The following GLRB variants were observed in gnomAD, a reference collection of about 807,000 sequenced individuals.
GLRB encodes glycine receptor subunit beta.
In GLRB, 33 loss-of-function variants were observed where a neutral mutation model predicts 54.2. The observed-to-expected ratio is 0.61, with a 90% confidence interval of 0.46 to 0.81. GLRB has a LOEUF of 0.81. Among genes scored for constraint, GLRB ranks in the 40% least tolerant of loss-of-function variants. The pLI is 0.00. For synonymous variants in GLRB, 209 were observed against 208.2 expected, an observed-to-expected ratio of 1.00 and a Z score of -0.03; for missense variants, 572 against 584.6, an observed-to-expected ratio of 0.98 and a Z score of 0.22.
Position 157,153,642 on chromosome 4 carries a change from A to G in GLRB, c.1197+632A>G, listed in dbSNP as rs551084223. Among the ~76,000 whole-genome samples, 196 of 152,300 alleles carry G rather than the reference A, an allele frequency of 1.3e-3. 2 individuals carry two copies. The highest frequency in any genetic ancestry group is 4.4e-3 in the African/African-American group (182 of 41,552). ...GCCTTGTCAATTAATTATGGGTTTAAGAATAGTGGGCAATGGTAAATTTCA... is the reference window on the plus strand; with the variant it reads ...GCCTTGTCAATTAATTATGGGTTTAGGAATAGTGGGCAATGGTAAATTTCA... On this transcript the variant is annotated intron_variant, in intron 9 of 9. Coordinates refer to ENST00000264428, the MANE Select transcript of GLRB (RefSeq NM_000824.5).
At chr4:157,111,073 C>T (rs1325213067) in intron 2 of GLRB, among the ~76,000 whole-genome samples, 1 of 151,984 alleles carries the variant, frequency 6.6e-6, no homozygotes, top group Non-Finnish European at 1.5e-5. Flanking sequence ...GTTCAAAGCA[C>T]CGCTTTGTTC....
chr4:157,107,685 G>C (rs144531875), intron 2 of GLRB, among the ~76,000 whole-genome samples: 1 of 152,092 alleles, frequency 6.6e-6, no homozygotes, highest in Admixed American at 6.6e-5. Context: ...TAACACAAAC[G>C]TGTGAGGTGG....
intron 2 of GLRB, among the ~76,000 whole-genome samples, chr4:157,111,177 A>T (rs1341244231): frequency 6.6e-6 from 1 of 151,990 alleles, no homozygotes; most frequent in African/African-American, 2.4e-5. Context: ...CACCAGAAAA[A>T]GTTGGGATGG....
At chr4:157,091,264 A>G (rs915079009) in intron 2 of GLRB, 2 of 152,172 alleles carry the variant, frequency 1.3e-5, no homozygotes, top group African/African-American at 2.4e-5. Flanking sequence ...GTTAAGTTTC[A>G]ACATTTAATA....
chr4:157,116,766 A>G (rs571151208), intron 2 of GLRB, among the ~76,000 whole-genome samples: 2 of 151,882 alleles, frequency 1.3e-5, no homozygotes, highest in Admixed American at 6.6e-5. Context: ...GTTCATGCAT[A>G]TGAATATAAA....
At chr4:157,082,660 T>C (rs949952567) in intron 2 of GLRB, among the ~76,000 whole-genome samples, 1 of 152,136 alleles carries the variant, frequency 6.6e-6, no homozygotes, top group African/African-American at 2.4e-5. Context: ...TGGATTATGT[T>C]ACCTGGTTCC....
At chr4:157,166,240 T>C (rs1332407955) in intron 9 of GLRB, among the ~76,000 whole-genome samples, 1 of 152,050 alleles carries the variant, frequency 6.6e-6, no homozygotes, top group Non-Finnish European at 1.5e-5. Flanking sequence ...GACACATATT[T>C]GTAATAAGGA....
chr4:157,145,948 G>A (rs1163868307), intron 8 of GLRB, among the ~76,000 whole-genome samples: 1 of 152,010 alleles, frequency 6.6e-6, no homozygotes, highest in Non-Finnish European at 1.5e-5. Flanking sequence ...AGAGTAGTGG[G>A]AAAGGAGGTC....
intron 5 of GLRB, 33 bp downstream of exon 5, chr4:157,136,731 T>C (rs751212770): frequency 6.6e-7 from 1 of 1,523,082 alleles, no homozygotes; most frequent in South Asian, 1.1e-5. Flanking sequence ...TGTGCATTTA[T>C]ATTTTCCTTC....
chr4:157,167,221 A>G (rs1737743324), intron 9 of GLRB, among the ~76,000 whole-genome samples: 1 of 152,180 alleles, frequency 6.6e-6, no homozygotes, highest in East Asian at 1.9e-4. Context: ...ACTATGATAC[A>G]CATAGAATCC....
chr4:157,139,151 A>G (rs113901348), intron 7 of GLRB, among the ~76,000 whole-genome samples: 39 of 152,264 alleles, frequency 2.6e-4, no homozygotes, highest in African/African-American at 9.4e-4. Context: ...TTAGATAGAC[A>G]TGCTTGATTT....
intron 7 of GLRB, among the ~76,000 whole-genome samples, chr4:157,140,012 A>G (rs1736550863): frequency 6.6e-6 from 1 of 151,996 alleles, no homozygotes; most frequent in East Asian, 1.9e-4. Context: ...ATGCTGTGAT[A>G]AAGACAATGC....
At chr4:157,087,173 T>A (rs1255425987) in intron 2 of GLRB, among the ~76,000 whole-genome samples, 3 of 152,098 alleles carry the variant, frequency 2.0e-5, no homozygotes, top group African/African-American at 2.4e-5. Flanking sequence ...CTAAATTAAT[T>A]TTTTGATGGG....
At chr4:157,083,228 A>G (rs931854416) in intron 2 of GLRB, among the ~76,000 whole-genome samples, 2 of 142,124 alleles carry the variant, frequency 1.4e-5, no homozygotes, top group African/African-American at 2.5e-5. Context: ...TTAAAATCAT[A>G]TCATATTAGG....
intron 8 of GLRB, among the ~76,000 whole-genome samples, chr4:157,144,292 C>T (rs143332079): frequency 1.3e-5 from 2 of 152,036 alleles, no homozygotes; most frequent in African/African-American, 2.4e-5. Context: ...ATAACTATTT[C>T]GAAGGAAGTC....
intron 8 of GLRB, among the ~76,000 whole-genome samples, chr4:157,147,279 A>G (rs1736848091): frequency 1.3e-5 from 2 of 152,230 alleles, no homozygotes; most frequent in Non-Finnish European, 2.9e-5. Context: ...CAGTTTCCTA[A>G]AAGTCAAGTG....
At chr4:157,109,897 C>T (rs1417224624) in intron 2 of GLRB, among the ~76,000 whole-genome samples, 2 of 152,026 alleles carry the variant, frequency 1.3e-5, no homozygotes, top group Non-Finnish European at 2.9e-5. Context: ...CATAAAGCTT[C>T]CGTGCCCTCT....
At position 157,143,963 on chromosome 4, in the gene GLRB, A is replaced by G. The variant is rs76714257; in HGVS notation, c.904+4A>G. ...AGTGCTGCCAGAGTGCCCCTGGGTAAGGTGTTCCATGCTTTTTTGTCACAT... is the reference window on the plus strand; with the variant it reads ...AGTGCTGCCAGAGTGCCCCTGGGTAGGGTGTTCCATGCTTTTTTGTCACAT... On this transcript the variant is annotated splice_donor_region_variant and intron_variant, in intron 8 of 9. Coordinates refer to ENST00000264428, the MANE Select transcript of GLRB (RefSeq NM_000824.5). The G allele has an allele frequency of 9.2e-4, 1,486 of 1,613,592 alleles. 3 individuals are homozygous for G. Among genetic ancestry groups the G allele is most frequent in the Non-Finnish European group, 1.1e-3 (1,317 of 1,179,696 alleles).
chr4:157,144,898 G>GT (rs550924936), intron 8 of GLRB, among the ~76,000 whole-genome samples: 11 of 151,898 alleles, frequency 7.2e-5, no homozygotes, highest in South Asian at 4.2e-4. Flanking sequence ...GAAGAAATTT[G>GT]TTTTTTTTAC....
Sources: allele counts gnomAD v4.1 joint callset (sites outside exome capture counted in the v4.1 genomes callset), GRCh38; gene constraint gnomAD v4.1.1; transcripts MANE v1.5; gene names NCBI Gene and HGNC (gene_info 2026-07-23, HGNC 2026-07-21).